The following STK32B variants were observed in gnomAD, a reference collection of about 807,000 sequenced individuals.
STK32B encodes the protein serine/threonine-protein kinase 32B.
A neutral mutation model predicts 52.6 loss-of-function variants in STK32B; 43 were observed. That is an observed-to-expected ratio of 0.82 (90% CI 0.64 to 1.05). STK32B has a LOEUF of 1.05. STK32B is among the 50% of genes least tolerant of loss of function. STK32B has a pLI of 0.00. For missense variants in STK32B, 621 were observed against 534.6 expected, an observed-to-expected ratio of 1.16 and a Z score of -1.59; for synonymous variants, 238 against 204.3, an observed-to-expected ratio of 1.17 and a Z score of -1.41.
At chr4:5,063,823 A>G (rs1312108710) in intron 1 of STK32B, among the ~76,000 whole-genome samples, 3 of 152,170 alleles carry the variant, frequency 2.0e-5, no homozygotes, top group East Asian at 3.8e-4. Context: ...TTCCTCGCCA[A>G]TATTTATTAC....
intron 3 of STK32B, among the ~76,000 whole-genome samples, chr4:5,243,946 A>C (rs1725240679): frequency 6.6e-6 from 1 of 152,082 alleles, no homozygotes; most frequent in African/African-American, 2.4e-5. Flanking sequence ...ATCATGGTGG[A>C]TAAGCTTTTT....
At chr4:5,498,846 T>TGAAG (rs1029073865) in intron 11 of STK32B, 99 bp from the exon 12 acceptor site, 1 of 1,455,136 alleles carries the variant, frequency 6.9e-7, no homozygotes, top group African/African-American at 1.4e-5. Context: ...AGGTTTGAGC[T>TGAAG]GAAGGCTCCA....
intron 1 of STK32B, among the ~76,000 whole-genome samples, chr4:5,082,118 C>CA (rs1712469207): frequency 6.7e-6 from 1 of 149,964 alleles, no homozygotes; most frequent in African/African-American, 2.4e-5. Context: ...TGCTCTACAT[C>CA]TTTTTTTTTT....
chr4:5,352,621 A>T (rs1046013360), intron 4 of STK32B, among the ~76,000 whole-genome samples: 32 of 151,248 alleles, frequency 2.1e-4, no homozygotes, highest in African/African-American at 6.8e-4. Context: ...AAGAAATAAA[A>T]AAAAAAAAAA....
chr4:5,057,718 T>C (rs1419678656), intron 1 of STK32B, among the ~76,000 whole-genome samples: 2 of 152,322 alleles, frequency 1.3e-5, no homozygotes, highest in African/African-American at 4.8e-5. Context: ...AATCTGGTGC[T>C]AAGCCTAGGC....
At chr4:5,438,348 C>G (rs1714319571) in intron 6 of STK32B, among the ~76,000 whole-genome samples, 1 of 152,198 alleles carries the variant, frequency 6.6e-6, no homozygotes, top group Admixed American at 6.5e-5. Flanking sequence ...ATTAAATATT[C>G]ACTCATCCGA....
intron 2 of STK32B, among the ~76,000 whole-genome samples, chr4:5,160,764 G>T (rs10023979): frequency 6.6e-6 from 1 of 152,008 alleles, no homozygotes; most frequent in Non-Finnish European, 1.5e-5. Flanking sequence ...TCAGTAGGGG[G>T]AGTGGACAAT....
intron 3 of STK32B, among the ~76,000 whole-genome samples, chr4:5,323,552 G>C (rs1252680246): frequency 1.3e-5 from 2 of 152,150 alleles, no homozygotes; most frequent in African/African-American, 2.4e-5. Flanking sequence ...GAAAAAGGAG[G>C]TTCCTGTAGG....
intron 1 of STK32B, among the ~76,000 whole-genome samples, chr4:5,130,479 G>A (rs1035733732): frequency 6.0e-4 from 91 of 152,040 alleles, no homozygotes; most frequent in African/African-American, 1.8e-3. Context: ...GAGAAGGTAG[G>A]CAAAAGGCAA....
At chr4:5,339,713 G>A (rs1732949167) in intron 4 of STK32B, among the ~76,000 whole-genome samples, 1 of 152,154 alleles carries the variant, frequency 6.6e-6, no homozygotes, top group Admixed American at 6.5e-5. Flanking sequence ...ATCTCATTGG[G>A]CTTAGGTGGG....
In STK32B at chr4:5,467,906, G is replaced by A; in HGVS notation, c.1042-100G>A. Reference sequence around the variant, plus strand: ...GCTTGTCCCGGTCCCAAGCATCTGAGGTTTCCATCTAGGTCAGTCTGCCGT... The same window carrying A: ...GCTTGTCCCGGTCCCAAGCATCTGAAGTTTCCATCTAGGTCAGTCTGCCGT... On this transcript the variant is annotated intron_variant, in intron 10 of 11. Coordinates refer to ENST00000282908, the MANE Select transcript of STK32B (RefSeq NM_018401.3). This position sits in a 1 kb window ranked among gnomAD's most constrained non-coding sequence, Gnocchi z 5.8. 1.5e-6 allele frequency: 2 copies of A among 1,346,872 alleles called. No homozygotes were observed. Among genetic ancestry groups the A allele is most frequent in the Non-Finnish European group, 2.1e-6 (2 of 945,210 alleles). 83.4% of individuals were successfully genotyped at this position (1,346,872 alleles called of 1,614,324 possible).
intron 11 of STK32B, among the ~76,000 whole-genome samples, chr4:5,493,838 C>T (rs1719957871): frequency 6.6e-6 from 1 of 152,168 alleles, no homozygotes; most frequent in Non-Finnish European, 1.5e-5. Flanking sequence ...CGTTATGTAC[C>T]CAGTAGTCAT....
chr4:5,110,472 G>A (rs747250665), intron 1 of STK32B, among the ~76,000 whole-genome samples: 4 of 151,532 alleles, frequency 2.6e-5, no homozygotes, highest in Non-Finnish European at 5.9e-5. Context: ...CAACCAACTT[G>A]TCTTGGGCAA....
intron 3 of STK32B, among the ~76,000 whole-genome samples, chr4:5,250,473 T>G (rs28882123): frequency 6.6e-6 from 1 of 151,928 alleles, no homozygotes; most frequent in African/African-American, 2.4e-5. Flanking sequence ...TCACTACGCT[T>G]GGCTAATTTT....
intron 7 of STK32B, among the ~76,000 whole-genome samples, chr4:5,449,827 G>A (rs766890292): frequency 9.2e-5 from 14 of 152,172 alleles, no homozygotes; most frequent in Non-Finnish European, 1.9e-4. Flanking sequence ...TCTAATGCCT[G>A]ATGATCTGTC....
intron 6 of STK32B, among the ~76,000 whole-genome samples, chr4:5,422,728 G>C (rs1434962339): frequency 6.6e-6 from 1 of 152,184 alleles, no homozygotes; most frequent in Non-Finnish European, 1.5e-5. Flanking sequence ...CACACAGATT[G>C]TATGAACATA....
In STK32B at chr4:5,407,161, A is replaced by G. The variant is rs1170705084; in HGVS notation, c.472+8917A>G. Among the ~76,000 whole-genome samples the G allele has an allele frequency of 3.9e-5, 6 of 152,192 alleles. No individual in the cohort carries two copies. The East Asian group carries it at 9.7e-4, about 25-fold the overall frequency. ...ATCACTCTCAAGTTCAAAATTCCACATATCTCTAGGGCCTCCAACCTCTTT... is the reference window on the plus strand; with the variant it reads ...ATCACTCTCAAGTTCAAAATTCCACGTATCTCTAGGGCCTCCAACCTCTTT... On this transcript the variant is annotated intron_variant, in intron 5 of 11. Transcript: ENST00000282908.
chr4:5,495,764 T>G (rs1396528715), intron 11 of STK32B, among the ~76,000 whole-genome samples: 1 of 152,194 alleles, frequency 6.6e-6, no homozygotes, highest in East Asian at 1.9e-4. Flanking sequence ...GGTGTGGATG[T>G]CCTTTCTGTT....
At chr4:5,371,425 C>T (rs1479965014) in intron 4 of STK32B, among the ~76,000 whole-genome samples, 2 of 152,144 alleles carry the variant, frequency 1.3e-5, no homozygotes, top group Non-Finnish European at 2.9e-5. Flanking sequence ...CTGGATTTAG[C>T]AAACCAAAGA....
Sources: allele counts gnomAD v4.1 joint callset (sites outside exome capture counted in the v4.1 genomes callset), GRCh38; gene constraint gnomAD v4.1.1; non-coding constraint Gnocchi (gnomAD v3.1); transcripts MANE v1.5; gene names NCBI Gene and HGNC (gene_info 2026-07-23, HGNC 2026-07-21).